Variants in ANKS6 observed in about 807,000 individuals in gnomAD.
ANKS6 encodes the protein ankyrin repeat and SAM domain-containing protein 6.
In ANKS6, 47 loss-of-function variants were observed where a neutral mutation model predicts 77.9. That is an observed-to-expected ratio of 0.60 (90% CI 0.48 to 0.77). The LOEUF (loss-of-function observed/expected upper bound fraction) is 0.77, where lower values mean the gene tolerates loss of function less well. Ranked by LOEUF, ANKS6 falls within the 30% of genes least tolerant of loss-of-function variation. ANKS6 has a pLI of 0.00. For missense variants in ANKS6, 1,150 were observed against 1,159.1 expected, an observed-to-expected ratio of 0.99 and a Z score of 0.11; for synonymous variants, 488 against 501.7, an observed-to-expected ratio of 0.97 and a Z score of 0.37.
chr9:98,737,894 C>T (rs1282624217), intron 14 of ANKS6, among the ~76,000 whole-genome samples: 1 of 152,148 alleles, frequency 6.6e-6, no homozygotes, highest in Non-Finnish European at 1.5e-5. Context: ...GGCACATAGA[C>T]CAACGGAACA....
rs796556899 is a variant in ANKS6, at chr9:98,790,488, C to A, written c.478G>T (p.Val160Leu). 1 of 1,613,544 alleles carries A rather than the reference C, an allele frequency of 6.2e-7. No individual in the cohort carries two copies. The highest frequency in any genetic ancestry group is 1.7e-5 in the Admixed American group (1 of 59,992). The change falls in exon 2 of 15, where the codon GTG (valine) becomes TTG (leucine). Residue 160 changes from valine (V) to leucine (L), a missense_variant. Val to Leu is a conservative substitution (Grantham distance 32, BLOSUM62 1). Transcript: ENST00000353234. ...GCACCGGCTTCCAGGAGCAGCTTCACCACACCCAGGTGGCCGCCCCGAGAA... is the reference window on the plus strand; with the variant it reads ...GCACCGGCTTCCAGGAGCAGCTTCAACACACCCAGGTGGCCGCCCCGAGAA... ...VASRGGHLGVVKLLLEAGAFV... is the reference protein window; with the variant it reads ...VASRGGHLGVLKLLLEAGAFV...
chr9:98,757,928 AAAATAAATAAAT>A (rs200768970), intron 11 of ANKS6, among the ~76,000 whole-genome samples: 4 of 151,090 alleles, frequency 2.6e-5, no homozygotes, highest in East Asian at 2.0e-4. Flanking sequence ...ACTCTGTCTC[AAAATAAATAAAT>A]AAATAAATAA....
At chr9:98,752,328 A>T (rs572463314) in intron 12 of ANKS6, among the ~76,000 whole-genome samples, 19 of 152,318 alleles carry the variant, frequency 1.2e-4, no homozygotes, top group African/African-American at 4.1e-4. Context: ...GCAGGTGTAA[A>T]GGTTGTGAGG....
intron 14 of ANKS6, among the ~76,000 whole-genome samples, chr9:98,736,872 G>A (rs1424007934): frequency 3.3e-5 from 5 of 152,144 alleles, no homozygotes; most frequent in African/African-American, 4.8e-5. Flanking sequence ...CCAAACCCCT[G>A]GACAGAGTGG....
intron 6 of ANKS6, among the ~76,000 whole-genome samples, chr9:98,779,489 A>AT (rs1251469490): frequency 6.6e-6 from 1 of 152,196 alleles, no homozygotes; most frequent in Admixed American, 6.5e-5. Flanking sequence ...GTACTTATAA[A>AT]TTAAGATTCC....
At chr9:98,777,590 A>G in intron 7 of ANKS6, 136 bp from the exon 8 acceptor site, 1 of 748,104 alleles carries the variant, frequency 1.3e-6, no homozygotes, top group Non-Finnish European at 2.2e-6. Flanking sequence ...TTGGTATTCG[A>G]TATTTTAATA....
intron 2 of ANKS6, among the ~76,000 whole-genome samples, chr9:98,788,398 G>A (rs187077503): frequency 6.6e-6 from 1 of 152,032 alleles, no homozygotes; most frequent in East Asian, 1.9e-4. Flanking sequence ...GCGAGGGTGA[G>A]GGGAGATTCA....
At chr9:98,783,398 A>G (rs1364380867) in intron 4 of ANKS6, among the ~76,000 whole-genome samples, 1 of 152,224 alleles carries the variant, frequency 6.6e-6, no homozygotes, top group Non-Finnish European at 1.5e-5. Context: ...CAGATCACTT[A>G]GCAGCTACAA....
intron 2 of ANKS6, 33 bp from the exon 3 acceptor site, chr9:98,784,909 G>A (rs773414644): frequency 9.4e-6 from 15 of 1,600,652 alleles, no homozygotes; most frequent in African/African-American, 2.7e-5. Flanking sequence ...AGTTAACCAC[G>A]GAAAGGTTTA....
chr9:98,766,770 A>G (rs1349295137), intron 11 of ANKS6, among the ~76,000 whole-genome samples: 1 of 152,192 alleles, frequency 6.6e-6, no homozygotes, highest in Non-Finnish European at 1.5e-5. Context: ...GAAAATGACT[A>G]TTTCTCATAC....
At chr9:98,779,532 A>T (rs1389619711) in intron 6 of ANKS6, among the ~76,000 whole-genome samples, 1 of 148,906 alleles carries the variant, frequency 6.7e-6, no homozygotes, top group African/African-American at 2.5e-5. Flanking sequence ...TTTTTCCTTT[A>T]AAAAAAAAAG....
rs774826713 is a variant in ANKS6 at position 98,790,198 on chromosome 9, C to T, written c.768G>A (p.Val256=). Residue 256 remains valine, a synonymous_variant, in exon 2 of 15, where the codon GTG becomes GTA. Coordinates refer to ENST00000353234, the MANE Select transcript of ANKS6 (RefSeq NM_173551.5). ...EKGANPDHLS[V]LEKTAFEVAL... ...CAACCTCGAAGGCGGTCTTCTCCAG[C>T]ACGCTGAGGTGGTCAGGGTTGGCGC... 2.4e-5 allele frequency: 39 copies of T among 1,603,952 alleles called. No individual in the cohort carries two copies. The highest frequency in any genetic ancestry group is 4.5e-5 in the East Asian group (2 of 44,540).
chr9:98,736,793 G>A (rs1203537133), intron 14 of ANKS6, among the ~76,000 whole-genome samples, 170 bp from the exon 15 acceptor site: 1 of 152,138 alleles, frequency 6.6e-6, no homozygotes, highest in East Asian at 1.9e-4. Flanking sequence ...AAAACATACT[G>A]AGTCAGAATC....
In ANKS6 at chr9:98,759,932, G is replaced by T. The variant is rs565576901; in HGVS notation, c.2143-3329C>A. 1.4e-3 allele frequency among the ~76,000 whole-genome samples: 217 copies of T among 152,120 alleles called. 1 individual carries two copies. The highest frequency in any genetic ancestry group is 2.5e-3 in the Non-Finnish European group (167 of 68,024). ...GTGCTCTATACCACTGTAGGATGAC[G>T]ACAGTTAACAATAATATATAGTTTC... On this transcript the variant is annotated intron_variant, in intron 11 of 14. Transcript: ENST00000353234.
At chr9:98,778,945 C>G (rs558767516) in intron 6 of ANKS6, among the ~76,000 whole-genome samples, 6 of 152,192 alleles carry the variant, frequency 3.9e-5, no homozygotes, top group Non-Finnish European at 7.3e-5. Context: ...CTCCTGGGAA[C>G]GCTTGTAACC....
intron 14 of ANKS6, among the ~76,000 whole-genome samples, chr9:98,745,157 C>T (rs1564177255): frequency 1.3e-5 from 2 of 152,132 alleles, no homozygotes; most frequent in Non-Finnish European, 2.9e-5. Context: ...GCATTTTAGT[C>T]CTTGACACAC....
At chr9:98,778,882 C>A (rs1834071357) in intron 6 of ANKS6, among the ~76,000 whole-genome samples, 1 of 152,200 alleles carries the variant, frequency 6.6e-6, no homozygotes, top group African/African-American at 2.4e-5. Flanking sequence ...TATACCAGGG[C>A]CTGGGCCAGC....
intron 10 of ANKS6, among the ~76,000 whole-genome samples, chr9:98,768,810 A>T (rs1405924396): frequency 6.6e-6 from 1 of 152,168 alleles, no homozygotes; most frequent in Non-Finnish European, 1.5e-5. Context: ...CCTGCTTCCC[A>T]AATCTACTGG....
intron 2 of ANKS6, among the ~76,000 whole-genome samples, chr9:98,787,003 C>T (rs1455443518): frequency 1.3e-5 from 2 of 152,192 alleles, no homozygotes; most frequent in African/African-American, 2.4e-5. Context: ...TCAGCTCCAA[C>T]TCCACACCAC....
Sources: allele counts gnomAD v4.1 joint callset (sites outside exome capture counted in the v4.1 genomes callset), GRCh38; gene constraint gnomAD v4.1.1; transcripts MANE v1.5; gene names NCBI Gene and HGNC (gene_info 2026-07-23, HGNC 2026-07-21).